ARSB: variants seen among roughly 807,000 people sequenced by gnomAD.
The protein encoded by ARSB is N-acetylgalactosamine-4-sulfatase.
A neutral mutation model predicts 50.9 loss-of-function variants in ARSB; 41 were observed. The observed-to-expected ratio is 0.81, with a 90% CI of 0.63 to 1.04. The LOEUF (loss-of-function observed/expected upper bound fraction) is 1.04, where lower values mean the gene tolerates loss of function less well. ARSB is among the 50% of genes least tolerant of loss of function. The pLI is 0.00. For synonymous variants in ARSB, 269 were observed against 284.8 expected, an observed-to-expected ratio of 0.94 and a Z score of 0.56; for missense variants, 672 against 693.3, an observed-to-expected ratio of 0.97 and a Z score of 0.35.
chr5:78,813,470 A>C (rs1743886514), intron 6 of ARSB, among the ~76,000 whole-genome samples: 1 of 152,254 alleles, frequency 6.6e-6, no homozygotes, highest in African/African-American at 2.4e-5. Context: ...CTTTTAAAAA[A>C]TGCAAGGCCA....
intron 1 of ARSB, among the ~76,000 whole-genome samples, chr5:78,977,505 C>T (rs1366359741): frequency 6.6e-6 from 1 of 152,108 alleles, no homozygotes; most frequent in Admixed American, 6.5e-5. Flanking sequence ...CTTACCTCAC[C>T]CCCTTCAGAT....
intron 4 of ARSB, among the ~76,000 whole-genome samples, chr5:78,910,322 G>A (rs1221018826): frequency 3.3e-5 from 5 of 152,152 alleles, no homozygotes; most frequent in African/African-American, 9.7e-5. Context: ...CGTCCCACCC[G>A]ATGAGAAATA....
rs1296996156 is a variant in ARSB, at chr5:78,780,603, C to G, written c.1396G>C (p.Asp466His). Residue 466 changes from aspartate to histidine, a missense_variant, in exon 8 of 8, where the codon GAC becomes CAC. By Grantham distance (81) the Asp-to-His change is moderately conservative. Transcript: ENST00000264914. ...AGCCAGAGGGTCTTGGTTGGTGGGT[C>G]TGATGAGGGTATCTCAGAAACATTG... Reference protein sequence around the residue: ...QYNVSEIPSSDPPTKTLWLFD... With the variant: ...QYNVSEIPSSHPPTKTLWLFD... 1.2e-6 allele frequency: 2 copies of G among 1,614,078 alleles called. No homozygotes were observed. The highest frequency in any genetic ancestry group is 2.2e-5 in the East Asian group (1 of 44,884).
At chr5:78,819,394 A>T (rs568581068) in intron 6 of ARSB, among the ~76,000 whole-genome samples, 38 of 152,364 alleles carry the variant, frequency 2.5e-4, no homozygotes, top group African/African-American at 8.7e-4. Flanking sequence ...GCAGACAAAA[A>T]GACTGTGGGT....
chr5:78,844,899 C>T (rs1292334844), intron 5 of ARSB, among the ~76,000 whole-genome samples: 6 of 152,082 alleles, frequency 3.9e-5, no homozygotes, highest in African/African-American at 1.4e-4. Context: ...TCAAAATTCA[C>T]TCTTGTAACT....
rs999359769 is a variant in ARSB at position 78,792,512 on chromosome 5, G to T, written c.1214-10538C>A. 1.3e-5 allele frequency among the ~76,000 whole-genome samples: 2 copies of T among 152,162 alleles called. 1 individual carries two copies. The highest frequency in any genetic ancestry group is 2.9e-5 in the Non-Finnish European group (2 of 68,028). ...AGTAACTCAGAGAAATCAATCACTG[G>T]CATTTCAATAGCCTTTAGAACAAGC... On this transcript the variant is annotated intron_variant, in intron 6 of 7. Transcript: ENST00000264914.
intron 6 of ARSB, among the ~76,000 whole-genome samples, chr5:78,836,405 G>A (rs1355857792): frequency 6.6e-6 from 1 of 152,184 alleles, no homozygotes; most frequent in Non-Finnish European, 1.5e-5. Context: ...CCAAGCTGGT[G>A]GGGAAGCCAA....
At chr5:78,808,311 A>G (rs2112655854) in intron 6 of ARSB, among the ~76,000 whole-genome samples, 1 of 152,054 alleles carries the variant, frequency 6.6e-6, no homozygotes, top group Admixed American at 6.5e-5. Context: ...TATATCCCTA[A>G]AAGACAAGGA....
At chr5:78,910,561 G>C (rs1749265531) in intron 4 of ARSB, among the ~76,000 whole-genome samples, 1 of 152,138 alleles carries the variant, frequency 6.6e-6, no homozygotes, top group Non-Finnish European at 1.5e-5. Context: ...GAGAGATATG[G>C]ATAGGTCTTC....
At chr5:78,814,823 G>A (rs1743932191) in intron 6 of ARSB, among the ~76,000 whole-genome samples, 1 of 150,700 alleles carries the variant, frequency 6.6e-6, no homozygotes, top group Non-Finnish European at 1.5e-5. Flanking sequence ...TCAAAATATA[G>A]CTGAGAGATC....
intron 5 of ARSB, among the ~76,000 whole-genome samples, chr5:78,874,774 T>C (rs903406491): frequency 5.9e-5 from 9 of 152,186 alleles, no homozygotes; most frequent in Non-Finnish European, 8.8e-5. Flanking sequence ...ACACCTGATG[T>C]GGACAACAAG....
intron 6 of ARSB, among the ~76,000 whole-genome samples, chr5:78,805,028 C>T (rs948136649): frequency 6.6e-6 from 1 of 152,198 alleles, no homozygotes; most frequent in South Asian, 2.1e-4. Context: ...GATAGCAACA[C>T]GCAAGATACT....
chr5:78,811,423 G>A (rs555875722), intron 6 of ARSB, among the ~76,000 whole-genome samples: 1 of 152,240 alleles, frequency 6.6e-6, no homozygotes, highest in East Asian at 1.9e-4. Flanking sequence ...GAAACTAGTA[G>A]GACAACTGAA....
intron 4 of ARSB, among the ~76,000 whole-genome samples, chr5:78,944,591 C>T (rs779997895): frequency 1.5e-4 from 23 of 152,144 alleles, no homozygotes; most frequent in Non-Finnish European, 2.5e-4. Flanking sequence ...TGCAGAACAG[C>T]GGATATTGGT....
In ARSB at chr5:78,985,274, C is replaced by A; in HGVS notation, c.-26G>T. 1 of 1,292,194 alleles carries A rather than the reference C, an allele frequency of 7.7e-7. No individual in the cohort carries two copies. Among genetic ancestry groups the A allele is most frequent in the Non-Finnish European group, 9.8e-7 (1 of 1,024,636 alleles). 80.0% of individuals were successfully genotyped at this position (1,292,194 alleles called of 1,614,324 possible). ...CCTTGTCCGCCCGCGGTCCCAGCGC[C>A]TGTGGCGCCACCAGCCCCTTGTACC... On this transcript the variant is annotated 5_prime_UTR_variant, in exon 1 of 8. In the 5' UTR this introduces an upstream ATG that the reference lacks. Coordinates refer to ENST00000264914, the MANE Select transcript of ARSB (RefSeq NM_000046.5).
intron 4 of ARSB, among the ~76,000 whole-genome samples, chr5:78,887,620 CTGT>C (rs1271757904): frequency 6.6e-6 from 1 of 152,214 alleles, no homozygotes; most frequent in East Asian, 1.9e-4. Flanking sequence ...GTAGTAACTG[CTGT>C]TGTTCTTAAA....
At chr5:78,790,514 T>C (rs1749207576) in intron 6 of ARSB, among the ~76,000 whole-genome samples, 1 of 152,216 alleles carries the variant, frequency 6.6e-6, no homozygotes, top group Non-Finnish European at 1.5e-5. Context: ...ATAAGACATA[T>C]ATAGTGCTTA....
chr5:78,980,398 T>C (rs1243592434), intron 1 of ARSB, among the ~76,000 whole-genome samples: 1 of 152,216 alleles, frequency 6.6e-6, no homozygotes, highest in Non-Finnish European at 1.5e-5. Context: ...AAATGACATA[T>C]GTGCAAAGTA....
chr5:78,850,709 A>G (rs891509251), intron 5 of ARSB, among the ~76,000 whole-genome samples: 2 of 152,128 alleles, frequency 1.3e-5, no homozygotes, highest in African/African-American at 2.4e-5. Flanking sequence ...TTGGTTGGTA[A>G]GCTATTGATT....
Sources: allele counts gnomAD v4.1 joint callset (sites outside exome capture counted in the v4.1 genomes callset), GRCh38; gene constraint gnomAD v4.1.1; transcripts MANE v1.5; gene names NCBI Gene and HGNC (gene_info 2026-07-23, HGNC 2026-07-21).